The following ERC2 variants were observed in gnomAD, a reference collection of about 807,000 sequenced individuals.
The protein encoded by ERC2 is ERC protein 2.
In ERC2, 42 loss-of-function variants were observed where a neutral mutation model predicts 114.8. The ratio of observed to expected loss-of-function variants is 0.37; its 90% CI spans 0.29 to 0.47. ERC2 has a LOEUF of 0.47. Among genes scored for constraint, ERC2 ranks in the 20% least tolerant of loss-of-function variants. ERC2 has a pLI of 0.99. For synonymous variants in ERC2, 454 were observed against 425.5 expected (o/e 1.07, Z -0.82); for missense variants, 939 against 1,150.7 (o/e 0.82, Z 2.66).
At chr3:55,647,794 C>T (rs900475057) in intron 17 of ERC2, among the ~76,000 whole-genome samples, 2 of 152,146 alleles carry the variant, frequency 1.3e-5, no homozygotes, top group Admixed American at 1.3e-4. Context: ...GTTTCAATCC[C>T]AGAACAGCTG....
At chr3:56,285,781 C>T (rs1354488281) in intron 3 of ERC2, among the ~76,000 whole-genome samples, 1 of 152,214 alleles carries the variant, frequency 6.6e-6, no homozygotes, top group Non-Finnish European at 1.5e-5. Context: ...TTTTTCAGGT[C>T]AGTTCCTTCA....
intron 14 of ERC2, among the ~76,000 whole-genome samples, chr3:55,880,617 A>G (rs1200963594): frequency 6.6e-6 from 1 of 152,172 alleles, no homozygotes; most frequent in Non-Finnish European, 1.5e-5. Flanking sequence ...AATAGGCTTT[A>G]TCAGTGTTCT....
At chr3:56,000,303 T>A (rs1235704738) in intron 10 of ERC2, among the ~76,000 whole-genome samples, 1 of 151,928 alleles carries the variant, frequency 6.6e-6, no homozygotes, top group Non-Finnish European at 1.5e-5. Flanking sequence ...GTTTCCAGAA[T>A]AAAGGTAGTG....
At chr3:56,130,019 A>G (rs1192218708) in intron 6 of ERC2, among the ~76,000 whole-genome samples, 1 of 152,226 alleles carries the variant, frequency 6.6e-6, no homozygotes, top group Non-Finnish European at 1.5e-5. Flanking sequence ...GTTTTTGATT[A>G]AAAAAGGATT....
chr3:56,062,699 G>C (rs1457128962), intron 7 of ERC2, among the ~76,000 whole-genome samples: 1 of 152,060 alleles, frequency 6.6e-6, no homozygotes, highest in African/African-American at 2.4e-5. Flanking sequence ...GCCCTTTAGG[G>C]AGTTTATCAT....
intron 7 of ERC2, among the ~76,000 whole-genome samples, chr3:56,024,960 C>T (rs978175684): frequency 6.6e-6 from 1 of 152,186 alleles, no homozygotes; most frequent in Non-Finnish European, 1.5e-5. Flanking sequence ...GATCCATGGA[C>T]CTGTCATCAT....
intron 10 of ERC2, among the ~76,000 whole-genome samples, chr3:56,004,075 T>C (rs969212711): frequency 3.3e-5 from 5 of 152,036 alleles, no homozygotes; most frequent in Non-Finnish European, 5.9e-5. Flanking sequence ...ATGACAATGT[T>C]ATCATGGTTT....
chr3:56,007,144 T>A (rs745470563), intron 10 of ERC2, 37 bp downstream of exon 10: 6 of 1,515,134 alleles, frequency 4.0e-6, no homozygotes, highest in Non-Finnish European at 5.3e-6. Context: ...AATTCATTTT[T>A]AAATAAGCAT....
At chr3:55,922,596 C>A (rs1230373312) in intron 13 of ERC2, among the ~76,000 whole-genome samples, 4 of 152,032 alleles carry the variant, frequency 2.6e-5, no homozygotes, top group Non-Finnish European at 5.9e-5. Context: ...TACTTAGAAT[C>A]TTTTTCCTCT....
chr3:55,585,023 C>T (rs1379058725), intron 17 of ERC2, among the ~76,000 whole-genome samples: 1 of 152,180 alleles, frequency 6.6e-6, no homozygotes, highest in Non-Finnish European at 1.5e-5. Context: ...GTATGTCAAT[C>T]CATTTGGTGG....
chr3:56,029,655 A>G (rs2074258572), intron 7 of ERC2, among the ~76,000 whole-genome samples: 1 of 152,110 alleles, frequency 6.6e-6, no homozygotes, highest in South Asian at 2.1e-4. Flanking sequence ...GCTAATAGCT[A>G]CAGGAACTGT....
At chr3:55,856,749 A>G (rs2061804202) in intron 14 of ERC2, among the ~76,000 whole-genome samples, 1 of 152,254 alleles carries the variant, frequency 6.6e-6, no homozygotes, top group Non-Finnish European at 1.5e-5. Context: ...CATAATAGCT[A>G]AAGAGCGGAA....
rs1354547137 is a variant in ERC2, at chr3:55,508,973, T to C, written c.*2343A>G. The C allele has an allele frequency of 6.6e-6, 1 of 152,664 alleles. No individual in the cohort carries two copies. Among genetic ancestry groups the C allele is most frequent in the Admixed American group, 6.5e-5 (1 of 15,286 alleles). The allele number at this position is 152,664 out of a possible 1,614,324, so 9.5% of individuals were successfully genotyped here. A position where few individuals can be genotyped will look rare whatever the true frequency, so the allele number is the denominator to read the frequency against. On this transcript the variant is annotated 3_prime_UTR_variant, in exon 18 of 18. Transcript: ENST00000288221. ...TAGCTTCCCAACATCACAGTGTTTG[T>C]TGTAAACCCAGAGACTATTCTTAAT...
At chr3:55,872,018 T>C (rs1197289457) in intron 14 of ERC2, among the ~76,000 whole-genome samples, 1 of 151,624 alleles carries the variant, frequency 6.6e-6, no homozygotes, top group Non-Finnish European at 1.5e-5. Flanking sequence ...CAAAATAATC[T>C]AGGGATGAGG....
Position 56,127,088 on chromosome 3 carries a change from A to AT in ERC2, c.1473+12420_1473+12421insA, listed in dbSNP as rs1311166386. ...ATCCCATTTACAATAGCTGTAAAAAAATATATAAAATACCCAGGAATAACA... is the reference window on the plus strand; with the variant it reads ...ATCCCATTTACAATAGCTGTAAAAAATATATATAAAATACCCAGGAATAACA... On this transcript the variant is annotated intron_variant, in intron 6 of 17. Transcript: ENST00000288221. 2.0e-5 allele frequency among the ~76,000 whole-genome samples: 3 copies of AT among 152,350 alleles called. No individual in the cohort carries two copies. The East Asian group carries it at 5.8e-4, about 29-fold the overall frequency.
At chr3:55,584,630 A>G (rs1211470008) in intron 17 of ERC2, among the ~76,000 whole-genome samples, 2 of 152,188 alleles carry the variant, frequency 1.3e-5, no homozygotes, top group Admixed American at 6.5e-5. Flanking sequence ...TCTCACCTGC[A>G]TATGCCACGT....
At chr3:56,414,735 AAAAG>A (rs1467933066) in intron 2 of ERC2, among the ~76,000 whole-genome samples, 3 of 151,606 alleles carry the variant, frequency 2.0e-5, no homozygotes, top group Admixed American at 2.0e-4. Flanking sequence ...AAAAAAAAAA[AAAAG>A]AAAAGAAAAG....
chr3:56,257,805 TC>T (rs1413154846), intron 3 of ERC2, among the ~76,000 whole-genome samples: 26 of 152,220 alleles, frequency 1.7e-4, no homozygotes, highest in African/African-American at 5.5e-4. Flanking sequence ...TAAAAGCAAT[TC>T]CCAGCATGTT....
intron 3 of ERC2, among the ~76,000 whole-genome samples, chr3:56,185,733 T>C (rs2083556588): frequency 1.3e-5 from 2 of 152,214 alleles, no homozygotes; most frequent in African/African-American, 4.8e-5. Context: ...TGTTACATTA[T>C]ATGGCAAAAG....
Sources: gnomAD v4.1 joint callset for allele counts (sites outside exome capture counted in the v4.1 genomes callset) on GRCh38, gnomAD v4.1.1 for gene constraint, MANE v1.5 for transcripts, NCBI Gene and HGNC (gene_info 2026-07-23, HGNC 2026-07-21) for gene names.